The following GOLIM4 variants were observed in gnomAD, a reference collection of about 807,000 sequenced individuals.
GOLIM4 encodes the protein 130 kDa golgi-localized phosphoprotein.
Under a neutral mutation model 107.4 loss-of-function variants are expected in GOLIM4, and 71 were observed. The ratio of observed to expected loss-of-function variants is 0.66; its 90% CI spans 0.55 to 0.81. The LOEUF (loss-of-function observed/expected upper bound fraction) is 0.81, where lower values mean the gene tolerates loss of function less well. Ranked by LOEUF, GOLIM4 falls within the 30% of genes least tolerant of loss-of-function variation. The pLI, the probability that GOLIM4 is intolerant of heterozygous loss-of-function variation, is 0.00. For synonymous variants in GOLIM4, 327 were observed against 294.8 expected (o/e 1.11, Z -1.12); for missense variants, 830 against 826.1 (o/e 1.00, Z -0.06).
At chr3:168,038,591 A>G (rs961856880) in intron 7 of GOLIM4, among the ~76,000 whole-genome samples, 1 of 152,190 alleles carries the variant, frequency 6.6e-6, no homozygotes, top group Non-Finnish European at 1.5e-5. Context: ...TTATTTAGTT[A>G]TAAAAGGGTA....
chr3:168,017,524 T>A (rs1053430297), intron 14 of GOLIM4, among the ~76,000 whole-genome samples: 1 of 152,100 alleles, frequency 6.6e-6, no homozygotes, highest in Non-Finnish European at 1.5e-5. Context: ...AAATTCCCAT[T>A]TCTGTATATG....
chr3:168,067,580 G>A (rs11922423), intron 1 of GOLIM4, among the ~76,000 whole-genome samples: 1,672 of 149,796 alleles, frequency 0.011, 30 homozygotes, highest in African/African-American at 0.039. Context: ...GAGATAGAAC[G>A]GCGTATTTTA....
rs761113029 is a variant in GOLIM4 at position 168,010,222 on chromosome 3, C to T, written c.*47G>A. 2 of 1,561,870 alleles carry T rather than the reference C, an allele frequency of 1.3e-6. No individual in the cohort carries two copies. The highest frequency in any genetic ancestry group is 1.7e-6 in the Non-Finnish European group (2 of 1,148,112). On this transcript the variant is annotated 3_prime_UTR_variant, in exon 16 of 16. Transcript: ENST00000470487. ...AGTAGGCAGATTTATGTTTGAGCAG[C>T]TTGAAAAGAATCCGTTGGCTGAGCG...
chr3:168,063,515 A>G (rs1427210519), intron 1 of GOLIM4, among the ~76,000 whole-genome samples: 1 of 152,182 alleles, frequency 6.6e-6, no homozygotes, highest in Non-Finnish European at 1.5e-5. Context: ...TGTGCTATGA[A>G]GAATACATGT....
chr3:168,072,578 G>A (rs1720887090), intron 1 of GOLIM4, among the ~76,000 whole-genome samples: 1 of 151,668 alleles, frequency 6.6e-6, no homozygotes, highest in Admixed American at 6.6e-5. Context: ...ATATCAGACA[G>A]ATGTAAAAAT....
chr3:168,058,454 C>G (rs767940475), intron 1 of GOLIM4, among the ~76,000 whole-genome samples: 5 of 152,174 alleles, frequency 3.3e-5, no homozygotes, highest in Non-Finnish European at 7.3e-5. Flanking sequence ...CAGATGAAGT[C>G]TATTCACTTC....
chr3:168,038,154 AC>A (rs933844947), intron 7 of GOLIM4, among the ~76,000 whole-genome samples: 7 of 152,370 alleles, frequency 4.6e-5, no homozygotes, highest in Non-Finnish European at 8.8e-5. Context: ...ATAATTTTGT[AC>A]AAAGGTGCAC....
At chr3:168,088,541 A>G (rs1721741906) in intron 1 of GOLIM4, among the ~76,000 whole-genome samples, 1 of 152,146 alleles carries the variant, frequency 6.6e-6, no homozygotes, top group African/African-American at 2.4e-5. Flanking sequence ...GCTCAAGGTC[A>G]CCCTGCTGGT....
intron 1 of GOLIM4, among the ~76,000 whole-genome samples, chr3:168,074,290 T>C (rs1720966574): frequency 6.6e-6 from 1 of 152,168 alleles, no homozygotes; most frequent in African/African-American, 2.4e-5. Flanking sequence ...ATATGAAGTG[T>C]TTATGTTTGT....
intron 1 of GOLIM4, among the ~76,000 whole-genome samples, chr3:168,090,153 G>T (rs1051834507): frequency 6.6e-6 from 1 of 152,114 alleles, no homozygotes; most frequent in Non-Finnish European, 1.5e-5. Context: ...TTAGGCCAGT[G>T]GGCCATCCTG....
At chr3:168,057,060 G>A (rs991530886) in intron 1 of GOLIM4, among the ~76,000 whole-genome samples, 15 of 152,086 alleles carry the variant, frequency 9.9e-5, no homozygotes, top group Admixed American at 2.0e-4. Context: ...CCCGGTGGGA[G>A]GTAACCAAAT....
rs780516187 is a variant in GOLIM4, at chr3:168,036,894, G to A, written c.785C>T (p.Ala262Val). 2.5e-6 allele frequency: 4 copies of A among 1,613,922 alleles called. No homozygotes were observed. Among genetic ancestry groups the A allele is most frequent in the Non-Finnish European group, 3.4e-6 (4 of 1,179,822 alleles). Reference protein sequence around the residue: ...PAEQQNVTQVAHSPQGYNTAR... With the variant: ...PAEQQNVTQVVHSPQGYNTAR... ...TGTGTTGTAACCTTGTGGAGAATGTGCCACCTGGGTCACATTTTGCTGTTC... is the reference window on the plus strand; with the variant it reads ...TGTGTTGTAACCTTGTGGAGAATGTACCACCTGGGTCACATTTTGCTGTTC... The change falls in exon 8 of 16, where the codon GCA becomes GTA. Residue 262 changes from alanine to valine, a missense_variant. Physicochemically the swap from Ala to Val is moderately conservative, Grantham distance 64 (BLOSUM62 0). Transcript: ENST00000470487.
chr3:168,019,715 C>T lies in GOLIM4; in HGVS notation c.1860+4811G>A, dbSNP rs141037735. Among the ~76,000 whole-genome samples the T allele has an allele frequency of 3.8e-3, 574 of 152,200 alleles. 2 individuals carry two copies. The highest frequency in any genetic ancestry group is 0.017 in the Middle Eastern group (5 of 294). On this transcript the variant is annotated intron_variant, in intron 14 of 15. Coordinates refer to ENST00000470487, the MANE Select transcript of GOLIM4 (RefSeq NM_014498.5). ...ATAAAAGTTTGAATGAACTCAGGTT[C>T]GATTTTAAAAATAAGGGTATTTCAG...
At chr3:168,090,261 AT>A (rs1338573653) in intron 1 of GOLIM4, among the ~76,000 whole-genome samples, 1 of 152,182 alleles carries the variant, frequency 6.6e-6, no homozygotes, top group Non-Finnish European at 1.5e-5. Context: ...AGGAAAAAAT[AT>A]CTGCAAAGTA....
chr3:168,062,948 T>C (rs1720349858), intron 1 of GOLIM4, among the ~76,000 whole-genome samples: 1 of 152,150 alleles, frequency 6.6e-6, no homozygotes, highest in Non-Finnish European at 1.5e-5. Flanking sequence ...ATTTTAGATA[T>C]GTCTAATGCT....
At chr3:168,048,048 G>A (rs529080178) in intron 2 of GOLIM4, among the ~76,000 whole-genome samples, 189 of 150,706 alleles carry the variant, frequency 1.3e-3, no homozygotes, top group African/African-American at 4.3e-3. Flanking sequence ...AATAATAAGT[G>A]TAACCAATAT....
At chr3:168,082,398 G>C (rs1721418610) in intron 1 of GOLIM4, among the ~76,000 whole-genome samples, 1 of 152,042 alleles carries the variant, frequency 6.6e-6, no homozygotes, top group Non-Finnish European at 1.5e-5. Context: ...GTTACTGTGA[G>C]ACCCTTAGAT....
At position 168,013,372 on chromosome 3, in the gene GOLIM4, G is replaced by A. The variant is rs916044618; in HGVS notation, c.1861-2549C>T. 3.9e-5 allele frequency among the ~76,000 whole-genome samples: 6 copies of A among 152,048 alleles called. No homozygotes were observed. In the South Asian group the frequency reaches 8.3e-4, roughly 21 times the overall value. ...AAATATATATGCACCCAATACAGGA[G>A]CACCAAGATTCATAAAGCAAATCCT... is the stretch of plus-strand genomic sequence containing the variant. On this transcript the variant is annotated intron_variant, in intron 14 of 15. Transcript: ENST00000470487.
chr3:168,027,229 C>T lies in GOLIM4; in HGVS notation c.1623+499G>A, dbSNP rs529515132. On this transcript the variant is annotated intron_variant, in intron 12 of 15. Coordinates refer to ENST00000470487, the MANE Select transcript of GOLIM4 (RefSeq NM_014498.5). ...GAACAACTCTTCATGTCTCAGACCA[C>T]ATATCCTTATCCATATATTTATTAA... is the stretch of plus-strand genomic sequence containing the variant. Among the ~76,000 whole-genome samples the T allele has an allele frequency of 1.5e-3, 225 of 152,296 alleles. 1 individual carries two copies. The highest frequency in any genetic ancestry group is 5.2e-3 in the African/African-American group (217 of 41,578).
Sources: gnomAD v4.1 joint callset for allele counts (sites outside exome capture counted in the v4.1 genomes callset) on GRCh38, gnomAD v4.1.1 for gene constraint, MANE v1.5 for transcripts, NCBI Gene and HGNC (gene_info 2026-07-23, HGNC 2026-07-21) for gene names.